Variants in CHAD observed in about 807,000 individuals in gnomAD.
The protein encoded by CHAD is cartilage leucine-rich protein.
In CHAD, 18 loss-of-function variants were observed where a neutral mutation model predicts 24.0. The observed-to-expected ratio is 0.75, with a 90% CI of 0.52 to 1.11. CHAD has a LOEUF of 1.11. CHAD is among the 50% of genes most tolerant of loss of function. The pLI, the probability that CHAD is intolerant of heterozygous loss-of-function variation, is 0.00. For missense variants in CHAD, 440 were observed against 467.2 expected (o/e 0.94, Z 0.54); for synonymous variants, 195 against 211.6 (o/e 0.92, Z 0.68).
At position 50,468,863 on chromosome 17, in the gene CHAD, C is replaced by T. The variant is rs769492744; in HGVS notation, c.-50G>A. ...TGGGGGCAGCAGCGGCGGCGGGGCG[C>T]GGGCAGCGGCGAGTCCTAGGCGCTC... On this transcript the variant is annotated 5_prime_UTR_variant, in exon 1 of 4. Transcript: ENST00000508540. The T allele has an allele frequency of 2.8e-6, 4 of 1,446,488 alleles. No homozygotes were observed. Among genetic ancestry groups the T allele is most frequent in the South Asian group, 2.9e-5 (2 of 68,264 alleles). 89.6% of individuals were successfully genotyped at this position (1,446,488 alleles called of 1,614,324 possible).
Position 50,468,686 on chromosome 17 carries a change from A to C in CHAD, c.128T>G (p.Leu43Arg). The change falls in exon 1 of 4, where the codon CTG (leucine) becomes CGG (arginine). Residue 43 changes from leucine to arginine, a missense_variant. Physicochemically the swap from Leu to Arg is moderately radical, Grantham distance 102. Transcript: ENST00000508540. ...LQHVICDKVGLQKIPKVSEKT... is the reference protein window; with the variant it reads ...LQHVICDKVGRQKIPKVSEKT... ...CTCTGACACCTTGGGGATCTTCTGC[A>C]GCCCCACCTTGTCGCAGATGACGTG... 1 of 1,613,940 alleles carries C rather than the reference A, an allele frequency of 6.2e-7. No homozygotes were observed. Among genetic ancestry groups the C allele is most frequent in the East Asian group, 2.2e-5 (1 of 44,882 alleles).
At chr17:50,466,808 C>A (rs1357437741) in intron 1 of CHAD, among the ~76,000 whole-genome samples, 1 of 152,224 alleles carries the variant, frequency 6.6e-6, no homozygotes, top group Non-Finnish European at 1.5e-5. Flanking sequence ...TGTCTGGCCT[C>A]CCCTGCCCCA....
rs369262536 is a variant in CHAD at position 50,468,454 on chromosome 17, G to C, written c.360C>G (p.Asp120Glu). Residue 120 changes from aspartate to glutamate, a missense_variant, in exon 1 of 4, where the codon GAC (aspartate) becomes GAG (glutamate). Transcript: ENST00000508540. ...AGAGGTAGGTCAGCTCGGTCAGGTC[G>C]TCGAAGGCACCTGCGCGCAGCACGC... ...DIRVLRAGAF[D>E]DLTELTYLYL... is the part of the protein sequence containing the mutation. 4 of 1,614,050 alleles carry C rather than the reference G, an allele frequency of 2.5e-6. No homozygotes were observed. In the Admixed American group the frequency reaches 5.0e-5, roughly 20 times the overall value.
At position 50,464,771 on chromosome 17, in the gene CHAD, G is replaced by GGT. The variant is rs1555611938; in HGVS notation, c.*282_*283insAC. ...ACCTGTTGTGGTTCTGATTGACTTG[G>GGT]GGGGGGGGTCTCAGCAACAGCTTCT... On this transcript the variant is annotated 3_prime_UTR_variant, in exon 4 of 4. Transcript: ENST00000508540. The GGT allele has an allele frequency of 1.2e-5, 4 of 328,800 alleles. No homozygotes were observed. Among genetic ancestry groups the GGT allele is most frequent in the African/African-American group, 1.0e-4 (4 of 40,070 alleles). 20.4% of individuals were successfully genotyped at this position (328,800 alleles called of 1,614,324 possible).
At position 50,468,631 on chromosome 17, in the gene CHAD, G is replaced by C; in HGVS notation, c.183C>G (p.Asn61Lys). ...EKTKLLNLQRNNFPVLAANSF... is the reference protein window; with the variant it reads ...EKTKLLNLQRKNFPVLAANSF... The stretch of plus-strand genomic sequence containing the variant: ...AATTGGCAGCCAGCACCGGGAAGTT[G>C]TTGCGCTGTAGGTTGAGCAGCTTGG... The change falls in exon 1 of 4, where the codon AAC becomes AAG. Residue 61 changes from asparagine to lysine, a missense_variant. Physicochemically the swap from Asn to Lys is moderately conservative, Grantham distance 94. Coordinates refer to ENST00000508540, the MANE Select transcript of CHAD (RefSeq NM_001267.3). 6.2e-7 allele frequency: 1 copy of C among 1,614,252 alleles called. No homozygotes were observed. Among genetic ancestry groups the C allele is most frequent in the Non-Finnish European group, 8.5e-7 (1 of 1,180,048 alleles).
intron 1 of CHAD, 141 bp from the exon 2 acceptor site, chr17:50,466,011 G>A: frequency 1.3e-6 from 1 of 763,592 alleles, no homozygotes; most frequent in South Asian, 1.8e-5. Flanking sequence ...AAAGCAGTAT[G>A]ACCAAGTGAT....
intron 1 of CHAD, among the ~76,000 whole-genome samples, chr17:50,466,168 G>T (rs2032709407): frequency 6.9e-6 from 1 of 145,820 alleles, no homozygotes; most frequent in Non-Finnish European, 1.5e-5. Context: ...CTCACTGCAA[G>T]CTCCGCCTCC....
chr17:50,465,480 G>A, intron 2 of CHAD, 41 bp from the exon 3 acceptor site: 1 of 1,609,538 alleles, frequency 6.2e-7, no homozygotes, highest in Non-Finnish European at 8.5e-7. Flanking sequence ...GAAGAAGGTG[G>A]GAGTGCTGGG....
At position 50,464,543 on chromosome 17, in the gene CHAD, T is replaced by A; in HGVS notation, c.*511A>T. The A allele has an allele frequency of 1.6e-6, 1 of 640,112 alleles. No homozygotes were observed. The allele number at this position is 640,112 out of a possible 1,614,324, so 39.7% of individuals were successfully genotyped here. On this transcript the variant is annotated 3_prime_UTR_variant, in exon 4 of 4. Transcript: ENST00000508540. Reference sequence around the variant, plus strand: ...ATTTATAGAAATCTCAGGAAGAAATTGCAGCATGGGAAGATGGACAGCAAA... The same window carrying A: ...ATTTATAGAAATCTCAGGAAGAAATAGCAGCATGGGAAGATGGACAGCAAA...
rs755789401 is a variant in CHAD, at chr17:50,468,457, G to C, written c.357C>G (p.Phe119Leu). ...GGTAGGTCAGCTCGGTCAGGTCGTCGAAGGCACCTGCGCGCAGCACGCGGA... is the reference window on the plus strand; with the variant it reads ...GGTAGGTCAGCTCGGTCAGGTCGTCCAAGGCACCTGCGCGCAGCACGCGGA... ...NDIRVLRAGAFDDLTELTYLY... is the reference protein window; with the variant it reads ...NDIRVLRAGALDDLTELTYLY... The change falls in exon 1 of 4, where the codon TTC becomes TTG. Residue 119 changes from phenylalanine (F) to leucine (L), a missense_variant. Transcript: ENST00000508540. 1 of 1,614,256 alleles carries C rather than the reference G, an allele frequency of 6.2e-7. No homozygotes were observed. Among genetic ancestry groups the C allele is most frequent in the Admixed American group, 1.7e-5 (1 of 60,036 alleles).
At position 50,466,073 on chromosome 17, in the gene CHAD, CTTTTTTTTTTTTTTTTCCTTTTT is replaced by C. The variant is rs1223589464; in HGVS notation, c.775-226_775-204del. On this transcript the variant is annotated intron_variant, in intron 1 of 3. Coordinates refer to ENST00000508540, the MANE Select transcript of CHAD (RefSeq NM_001267.3). Reference sequence around the variant, plus strand: ...CCTTTGAGACAGATGGTGTTATTTTCTTTTTTTTTTTTTTTTCCTTTTTTTTTTTTTGAGATGGAGTCTCACTG... The same window carrying C: ...CCTTTGAGACAGATGGTGTTATTTTCTTTTTTTTGAGATGGAGTCTCACTG... Among the ~76,000 whole-genome samples the C allele has an allele frequency of 5.0e-5, 6 of 120,034 alleles. No homozygotes were observed. In the East Asian group the frequency reaches 1.5e-3, roughly 30 times the overall value. The allele number at this position is 120,034 out of a possible 152,430, so 78.7% of individuals were successfully genotyped here.
Position 50,465,872 on chromosome 17 carries a change from TG to T in CHAD, c.775-3del, listed in dbSNP as rs2032674979. ...ACCCAGGAAGGCACCATCTGAGAACTGGGGAGCAAGGTGGGAGCAAGGTGGG... is the reference window on the plus strand; with the variant it reads ...ACCCAGGAAGGCACCATCTGAGAACTGGGAGCAAGGTGGGAGCAAGGTGGG... On this transcript the variant is annotated splice_region_variant and splice_polypyrimidine_tract_variant and intron_variant, in intron 1 of 3. Transcript: ENST00000508540. The T allele has an allele frequency of 6.2e-7, 1 of 1,613,450 alleles. No homozygotes were observed. Among genetic ancestry groups the T allele is most frequent in the South Asian group, 1.1e-5 (1 of 91,038 alleles).
chr17:50,465,668 T>C (rs1471173078), intron 2 of CHAD, 39 bp downstream of exon 2: 1 of 1,609,764 alleles, frequency 6.2e-7, no homozygotes, highest in Non-Finnish European at 8.5e-7. Context: ...CTCTATCACA[T>C]GAGGGTGGGC....
intron 3 of CHAD, 122 bp downstream of exon 3, chr17:50,465,172 C>T: frequency 8.4e-7 from 1 of 1,196,376 alleles, no homozygotes; most frequent in Non-Finnish European, 1.2e-6. Flanking sequence ...GTCCCCTCCT[C>T]TCTCTGTAAA....
Position 50,468,697 on chromosome 17 carries a change from G to A in CHAD, c.117C>T (p.Asp39=), listed in dbSNP as rs1409677467. The A allele has an allele frequency of 6.2e-7, 1 of 1,613,576 alleles. No homozygotes were observed. ...TGGGGATCTTCTGCAGCCCCACCTT[G>A]TCGCAGATGACGTGCTGCAGGTCGC... ...CHSDLQHVIC[D]KVGLQKIPKV... The change falls in exon 1 of 4, where the codon GAC becomes GAT. Residue 39 remains aspartate (D), a synonymous_variant. Transcript: ENST00000508540.
Position 50,468,368 on chromosome 17 carries a change from A to G in CHAD, c.446T>C (p.Leu149Pro). 6.2e-7 allele frequency: 1 copy of G among 1,614,186 alleles called. No individual in the cohort carries two copies. The highest frequency in any genetic ancestry group is 8.5e-7 in the Non-Finnish European group (1 of 1,180,026). Residue 149 changes from leucine (L) to proline (P), a missense_variant, in exon 1 of 4, where the codon CTC (leucine) becomes CCC (proline). Coordinates refer to ENST00000508540, the MANE Select transcript of CHAD (RefSeq NM_001267.3). The stretch of plus-strand genomic sequence containing the variant: ...GTTGTTGTTGAGCTGCAAGATGAAG[A>G]GGTTGACCAGCGGGGAGAGCAACCC... ...PRGLLSPLVN[L>P]FILQLNNNKI...
rs1372890137 is a variant in CHAD at position 50,464,560 on chromosome 17, G to T, written c.*494C>A. The stretch of plus-strand genomic sequence containing the variant: ...GAAGAAATTGCAGCATGGGAAGATG[G>T]ACAGCAAAGCACCGATGTCCTGCTA... On this transcript the variant is annotated 3_prime_UTR_variant, in exon 4 of 4. Coordinates refer to ENST00000508540, the MANE Select transcript of CHAD (RefSeq NM_001267.3). 3 of 616,716 alleles carry T rather than the reference G, an allele frequency of 4.9e-6. No homozygotes were observed. Among genetic ancestry groups the T allele is most frequent in the Admixed American group, 2.1e-5 (1 of 47,224 alleles). 38.2% of individuals were successfully genotyped at this position (616,716 alleles called of 1,614,324 possible). A position where few individuals can be genotyped will look rare whatever the true frequency, so the allele number is the denominator to read the frequency against.
In CHAD at chr17:50,467,964, CA is replaced by C; in HGVS notation, c.774+75del. On this transcript the variant is annotated intron_variant, in intron 1 of 3. Coordinates refer to ENST00000508540, the MANE Select transcript of CHAD (RefSeq NM_001267.3). ...GGAACCTGGGGACGGGGGATGGTGCCAGCTGTGGCCCTGGCTCCTGGGGCCT... is the reference window on the plus strand; with the variant it reads ...GGAACCTGGGGACGGGGGATGGTGCCGCTGTGGCCCTGGCTCCTGGGGCCT... 3.4e-6 allele frequency: 5 copies of C among 1,457,218 alleles called. No homozygotes were observed. In the South Asian group the frequency reaches 7.0e-5, roughly 20 times the overall value. The allele number at this position is 1,457,218 out of a possible 1,614,324, so 90.3% of individuals were successfully genotyped here.
rs2032618215 is a variant in CHAD, at chr17:50,465,181, A to C, written c.*4+113T>G. 6 of 1,300,082 alleles carry C rather than the reference A, an allele frequency of 4.6e-6. No individual in the cohort carries two copies. The East Asian group carries it at 1.4e-4, about 30-fold the overall frequency. The allele number at this position is 1,300,082 out of a possible 1,614,324, so 80.5% of individuals were successfully genotyped here. A position where few individuals can be genotyped will look rare whatever the true frequency, so the allele number is the denominator to read the frequency against. ...CCAGTCGTCCCCTCCTCTCTCTGTAAAAATGGAGGGTCTGCCTGACCCTCC... is the reference window on the plus strand; with the variant it reads ...CCAGTCGTCCCCTCCTCTCTCTGTACAAATGGAGGGTCTGCCTGACCCTCC... On this transcript the variant is annotated intron_variant, in intron 3 of 3. Coordinates refer to ENST00000508540, the MANE Select transcript of CHAD (RefSeq NM_001267.3).
Sources: gnomAD v4.1 joint callset for allele counts (sites outside exome capture counted in the v4.1 genomes callset) on GRCh38, gnomAD v4.1.1 for gene constraint, MANE v1.5 for transcripts, NCBI Gene and HGNC (gene_info 2026-07-23, HGNC 2026-07-21) for gene names.